TESK2: variants seen among roughly 807,000 people sequenced by gnomAD.
TESK2 encodes the protein testis associated actin remodelling kinase 2, also known as dual specificity testis-specific protein kinase 2.
A neutral mutation model predicts 57.1 loss-of-function variants in TESK2; 39 were observed. The observed-to-expected ratio is 0.68, with a 90% CI of 0.53 to 0.89. The LOEUF is 0.89. Among genes scored for constraint, TESK2 ranks in the 40% least tolerant of loss-of-function variants. The pLI is 0.00. For synonymous variants in TESK2, 249 were observed against 267.9 expected (o/e 0.93, Z 0.69); for missense variants, 646 against 732.1 (o/e 0.88, Z 1.36).
Position 45,355,314 on chromosome 1 carries a change from G to A in TESK2, c.529C>T (p.Leu177Phe), listed in dbSNP as rs554014562. The A allele has an allele frequency of 2.3e-5, 37 of 1,614,016 alleles. No homozygotes were observed. In the South Asian group the frequency reaches 4.0e-4, roughly 17 times the overall value. The part of the protein sequence containing the change: ...LHFKGIFHRD[L>F]TSKNCLIKRD... Reference sequence around the variant, plus strand: ...TAAAGCCTTCATACCTTAGATGTGAGGTCCCGATGAAAAATGCCTTTGAAG... The same window carrying A: ...TAAAGCCTTCATACCTTAGATGTGAAGTCCCGATGAAAAATGCCTTTGAAG... The change falls in exon 5 of 11, where the codon CTC becomes TTC. Residue 177 changes from leucine (L) to phenylalanine (F), a missense_variant. By Grantham distance (22) the Leu-to-Phe change is conservative. Coordinates refer to ENST00000372086, the MANE Select transcript of TESK2 (RefSeq NM_007170.3).
At chr1:45,489,705 G>A (rs1250835768) in intron 1 of TESK2, among the ~76,000 whole-genome samples, 2 of 152,128 alleles carry the variant, frequency 1.3e-5, no homozygotes, top group East Asian at 1.9e-4. Flanking sequence ...CAGGAGAATC[G>A]CTTGTACCTG....
At chr1:45,372,535 T>C (rs1251459912) in intron 4 of TESK2, among the ~76,000 whole-genome samples, 1 of 150,650 alleles carries the variant, frequency 6.6e-6, no homozygotes, top group African/African-American at 2.4e-5. Context: ...GCCAAGATCG[T>C]GCCACTGCAC....
intron 2 of TESK2, among the ~76,000 whole-genome samples, chr1:45,444,837 A>C (rs537066176): frequency 5.6e-4 from 85 of 152,328 alleles, no homozygotes; most frequent in Non-Finnish European, 9.8e-4. Context: ...TCATGGTTTA[A>C]CTTTAAAACA....
At position 45,481,547 on chromosome 1, in the gene TESK2, C is replaced by T. The variant is rs185564347; in HGVS notation, c.-87+9305G>A. ...CAAGTGTGATCATAGCACACTATGG[C>T]CTCAAACTCCAGGCCTCGAGTAATC... On this transcript the variant is annotated intron_variant, in intron 1 of 10. Transcript: ENST00000372086. Among the ~76,000 whole-genome samples the T allele has an allele frequency of 1.1e-4, 16 of 152,148 alleles. No homozygotes were observed. The East Asian group carries it at 3.1e-3, about 29-fold the overall frequency.
At chr1:45,472,583 C>T (rs1652813469) in intron 1 of TESK2, among the ~76,000 whole-genome samples, 1 of 146,926 alleles carries the variant, frequency 6.8e-6, no homozygotes, top group African/African-American at 2.5e-5. Context: ...AAAAGGTGAT[C>T]AAGTAGACAT....
chr1:45,436,202 TGAGA>T, intron 2 of TESK2, among the ~76,000 whole-genome samples: 1 of 128,640 alleles, frequency 7.8e-6, no homozygotes, highest in Non-Finnish European at 1.6e-5. Context: ...TTTTTTTTTT[TGAGA>T]TGGAGACTCA....
At chr1:45,419,123 G>A (rs1044727197) in intron 3 of TESK2, among the ~76,000 whole-genome samples, 1 of 151,976 alleles carries the variant, frequency 6.6e-6, no homozygotes, top group African/African-American at 2.4e-5. Flanking sequence ...GACTACAGGT[G>A]CATGCCACCA....
At chr1:45,347,807 G>A in intron 6 of TESK2, 111 bp downstream of exon 6, 1 of 1,444,722 alleles carries the variant, frequency 6.9e-7, no homozygotes, top group Non-Finnish European at 9.7e-7. Context: ...CAAATTTAGG[G>A]AGCTGAGGTT....
chr1:45,406,601 C>A (rs1340841447), intron 3 of TESK2, among the ~76,000 whole-genome samples: 2 of 151,828 alleles, frequency 1.3e-5, no homozygotes, highest in Non-Finnish European at 2.9e-5. Context: ...GCTGCAGTAA[C>A]CCATGATCAC....
rs1180363199 is a variant in TESK2, at chr1:45,346,675, A to G, written c.879+18T>C. On this transcript the variant is annotated intron_variant, in intron 9 of 10. Transcript: ENST00000372086. ...TCAGCCAGCCCCTGATGAAAGGCAG[A>G]GGGAGAAAGACACTCACGTTACAGC... The G allele has an allele frequency of 6.2e-7, 1 of 1,606,622 alleles. No individual in the cohort carries two copies. The highest frequency in any genetic ancestry group is 8.5e-7 in the Non-Finnish European group (1 of 1,174,830).
At chr1:45,367,377 T>C (rs1036644867) in intron 4 of TESK2, among the ~76,000 whole-genome samples, 1 of 151,392 alleles carries the variant, frequency 6.6e-6, no homozygotes, top group Non-Finnish European at 1.5e-5. Flanking sequence ...ACCTAGAAAC[T>C]GGGCATCATT....
chr1:45,411,861 A>C (rs935353724), intron 3 of TESK2, among the ~76,000 whole-genome samples: 7 of 152,208 alleles, frequency 4.6e-5, no homozygotes, highest in East Asian at 1.9e-4. Flanking sequence ...GGCAGGAAGA[A>C]GCCATCATAG....
chr1:45,394,437 C>T (rs192515191), intron 3 of TESK2, among the ~76,000 whole-genome samples: 50 of 151,334 alleles, frequency 3.3e-4, no homozygotes, highest in Non-Finnish European at 3.8e-4. Flanking sequence ...AGTAAGCCAC[C>T]ACACTAGGCC....
At chr1:45,361,713 C>A (rs540898464) in intron 4 of TESK2, among the ~76,000 whole-genome samples, 1 of 152,282 alleles carries the variant, frequency 6.6e-6, no homozygotes, top group East Asian at 1.9e-4. Flanking sequence ...ATGCCAACAT[C>A]TTTTTTAAAA....
chr1:45,434,293 C>T (rs900893356), intron 2 of TESK2, among the ~76,000 whole-genome samples: 1 of 150,426 alleles, frequency 6.6e-6, no homozygotes, highest in African/African-American at 2.5e-5. Context: ...CCGTGCCTGG[C>T]CTGTTTTTGT....
intron 4 of TESK2, among the ~76,000 whole-genome samples, chr1:45,373,002 T>C (rs1570661877): frequency 7.9e-6 from 1 of 127,098 alleles, no homozygotes; most frequent in East Asian, 2.2e-4. Context: ...CACTCCAGCC[T>C]GGGCAACAAG....
chr1:45,432,701 GAT>G (rs1365418898), intron 2 of TESK2, among the ~76,000 whole-genome samples: 1 of 140,128 alleles, frequency 7.1e-6, no homozygotes, highest in Non-Finnish European at 1.5e-5. Context: ...AAAAAAAAAA[GAT>G]ATATACAATA....
At chr1:45,392,984 C>T (rs200139326) in intron 3 of TESK2, among the ~76,000 whole-genome samples, 6 of 152,088 alleles carry the variant, frequency 3.9e-5, no homozygotes, top group African/African-American at 1.4e-4. Context: ...AATGTAAACT[C>T]GTGTTACATT....
intron 3 of TESK2, among the ~76,000 whole-genome samples, chr1:45,399,195 C>T (rs1236627038): frequency 7.5e-6 from 1 of 133,102 alleles, no homozygotes; most frequent in Non-Finnish European, 1.5e-5. Context: ...TTTGCCCAGG[C>T]TGGAGTGCAG....
Sources: gnomAD v4.1 joint callset for allele counts (sites outside exome capture counted in the v4.1 genomes callset) on GRCh38, gnomAD v4.1.1 for gene constraint, MANE v1.5 for transcripts, NCBI Gene and HGNC (gene_info 2026-07-23, HGNC 2026-07-21) for gene names.